TRHDE: variants seen among roughly 807,000 people sequenced by gnomAD.
TRHDE encodes the protein thyrotropin releasing hormone degrading enzyme.
A neutral mutation model predicts 125.7 loss-of-function variants in TRHDE; 72 were observed. That is an observed-to-expected ratio of 0.57 (90% confidence interval 0.47 to 0.70). The LOEUF is 0.70. Ranked by LOEUF, TRHDE falls within the 30% of genes least tolerant of loss-of-function variation. TRHDE has a pLI of 0.00. For missense variants in TRHDE, 1,110 were observed against 1,327.1 expected, an observed-to-expected ratio of 0.84 and a Z score of 2.54; for synonymous variants, 509 against 509.1, an observed-to-expected ratio of 1.00 and a Z score of 0.00.
chr12:72,382,037 G>A (rs577365212), intron 3 of TRHDE, among the ~76,000 whole-genome samples: 1 of 152,272 alleles, frequency 6.6e-6, no homozygotes, highest in African/African-American at 2.4e-5. Flanking sequence ...AACAAAACAG[G>A]AGCAAGGGGG....
intron 3 of TRHDE, among the ~76,000 whole-genome samples, chr12:72,403,599 T>C (rs1484038032): frequency 1.3e-5 from 2 of 152,208 alleles, no homozygotes; most frequent in Admixed American, 6.5e-5. Flanking sequence ...ATATTTATAC[T>C]TGCCTTCAGG....
chr12:72,617,919 A>T (rs1325175960), intron 12 of TRHDE, among the ~76,000 whole-genome samples: 3 of 152,164 alleles, frequency 2.0e-5, no homozygotes, highest in Non-Finnish European at 4.4e-5. Context: ...ATAGAGTCAC[A>T]ATGGATATTA....
chr12:72,525,153 C>T lies in TRHDE; in HGVS notation c.1723-17138C>T, dbSNP rs73346593. ...AAGCTATAGATGTTTACACAAATTA[C>T]CCTGTGAACAAAAGTGTACTCTTAT... On this transcript the variant is annotated intron_variant, in intron 6 of 18. Transcript: ENST00000261180. Among the ~76,000 whole-genome samples the T allele has an allele frequency of 4.8e-3, 728 of 152,188 alleles. 10 individuals are homozygous for T. Among genetic ancestry groups the T allele is most frequent in the African/African-American group, 0.017 (687 of 41,524 alleles).
At chr12:72,628,668 T>C (rs1873358985) in intron 15 of TRHDE, among the ~76,000 whole-genome samples, 1 of 151,862 alleles carries the variant, frequency 6.6e-6, no homozygotes, top group Admixed American at 6.6e-5. Context: ...AAAAGCTATA[T>C]AGAAGAAAAA....
chr12:72,249,260 C>T (rs1592499481), intron 2 of TRHDE, among the ~76,000 whole-genome samples: 1 of 152,026 alleles, frequency 6.6e-6, no homozygotes, highest in South Asian at 2.1e-4. Context: ...AAAAGTAAGC[C>T]ATGAATTGGG....
chr12:72,566,750 G>A (rs1870467769), intron 9 of TRHDE, among the ~76,000 whole-genome samples: 1 of 151,788 alleles, frequency 6.6e-6, no homozygotes, highest in Non-Finnish European at 1.5e-5. Context: ...TACTTATTTG[G>A]CTTCACAATT....
intron 2 of TRHDE, among the ~76,000 whole-genome samples, chr12:72,313,958 G>A (rs886112240): frequency 6.6e-5 from 10 of 152,110 alleles, no homozygotes; most frequent in African/African-American, 1.7e-4. Flanking sequence ...TGCAGCGTCC[G>A]TTTGCTTTGC....
intron 3 of TRHDE, among the ~76,000 whole-genome samples, chr12:72,459,818 ATG>A (rs1475672237): frequency 4.6e-5 from 7 of 152,052 alleles, no homozygotes; most frequent in Non-Finnish European, 1.0e-4. Flanking sequence ...ATGTCTGACT[ATG>A]TTGCCCAGAC....
intron 9 of TRHDE, 121 bp from the exon 10 acceptor site, chr12:72,568,447 T>G: frequency 4.7e-6 from 2 of 429,044 alleles, no homozygotes; most frequent in Non-Finnish European, 8.0e-6. Flanking sequence ...ACCGGAATTA[T>G]TTTTTTTTAG....
chr12:72,489,405 A>T (rs1243044106), intron 5 of TRHDE, among the ~76,000 whole-genome samples: 1 of 151,950 alleles, frequency 6.6e-6, no homozygotes. Flanking sequence ...AATATGTTAA[A>T]ATGTCTATAT....
rs185452155 is a variant in TRHDE, at chr12:72,448,288, C to T, written c.1316-21470C>T. Among the ~76,000 whole-genome samples, 146 of 152,118 alleles carry T rather than the reference C, an allele frequency of 9.6e-4. 1 individual carries two copies. Among genetic ancestry groups the T allele is most frequent in the Admixed American group, 4.4e-3 (67 of 15,244 alleles). On this transcript the variant is annotated intron_variant, in intron 3 of 18. Coordinates refer to ENST00000261180, the MANE Select transcript of TRHDE (RefSeq NM_013381.3). ...GACTGTTTTCTGGTTGATGGTATTA[C>T]AGTGCCTTGCGTAAGAGGTGGCTTT...
Position 72,637,180 on chromosome 12 carries a change from A to C in TRHDE, c.2676-15142A>C, listed in dbSNP as rs1007265281. 2.7e-3 allele frequency among the ~76,000 whole-genome samples: 405 copies of C among 152,092 alleles called. 5 individuals carry two copies. Among genetic ancestry groups the C allele is most frequent in the Middle Eastern group, 0.017 (5 of 294 alleles). ...CTATTGATTATTGCCACAATTTCAG[A>C]TCCTGTTATTGGTCTATTCAGAGAT... On this transcript the variant is annotated intron_variant, in intron 15 of 18. Coordinates refer to ENST00000261180, the MANE Select transcript of TRHDE (RefSeq NM_013381.3).
At position 72,139,171 on chromosome 12, in the gene TRHDE, A is replaced by G. The variant is rs146567129; in HGVS notation, n.279+33419A>G. Reference sequence around the variant, plus strand: ...TTTTAAAGGAACATTTAAAATTACTATAACTAGCAGAATTGAGTGTAAAGG... The same window carrying G: ...TTTTAAAGGAACATTTAAAATTACTGTAACTAGCAGAATTGAGTGTAAAGG... On this transcript the variant is annotated intron_variant and non_coding_transcript_variant, in intron 2 of 4. Transcript: ENST00000548156. 2.4e-3 allele frequency among the ~76,000 whole-genome samples: 368 copies of G among 152,340 alleles called. 2 individuals carry two copies. Among genetic ancestry groups the G allele is most frequent in the Non-Finnish European group, 4.0e-3 (271 of 68,028 alleles).
intron 3 of TRHDE, among the ~76,000 whole-genome samples, chr12:72,466,921 C>A (rs1321130427): frequency 6.6e-6 from 1 of 152,168 alleles, no homozygotes; most frequent in Non-Finnish European, 1.5e-5. Flanking sequence ...TGACGTCCTG[C>A]ACACGCTCAC....
At chr12:72,358,961 C>G (rs985867236) in intron 2 of TRHDE, among the ~76,000 whole-genome samples, 2 of 151,202 alleles carry the variant, frequency 1.3e-5, no homozygotes, top group Admixed American at 1.3e-4. Context: ...AACCACTGCC[C>G]CCTCCACAAA....
intron 6 of TRHDE, among the ~76,000 whole-genome samples, chr12:72,528,450 C>T (rs868324100): frequency 1.3e-5 from 2 of 152,166 alleles, no homozygotes; most frequent in Non-Finnish European, 2.9e-5. Flanking sequence ...GCCTGTTACT[C>T]ACAAGTTCTG....
In TRHDE at chr12:72,238,352, T is replaced by C. The variant is rs1270771513; in HGVS notation, n.279+132600T>C. On this transcript the variant is annotated intron_variant and non_coding_transcript_variant, in intron 2 of 4. Coordinates refer to the TRHDE transcript ENST00000548156. The stretch of plus-strand genomic sequence containing the variant: ...TATATATACACATTATATATATATA[T>C]ATATATATATACACATACATATATA... Among the ~76,000 whole-genome samples, 4 of 78,524 alleles carry C rather than the reference T, an allele frequency of 5.1e-5. No individual in the cohort carries two copies. The South Asian group carries it at 1.1e-3, about 22-fold the overall frequency. The allele number at this position is 78,524 out of a possible 152,430, so 51.5% of individuals were successfully genotyped here.
intron 3 of TRHDE, among the ~76,000 whole-genome samples, chr12:72,418,568 A>G (rs562738725): frequency 6.6e-6 from 1 of 151,836 alleles, no homozygotes; most frequent in South Asian, 2.1e-4. Context: ...ATCTTTTAAG[A>G]GGAAATCAGA....
At chr12:72,120,798 C>G (rs920377243) in intron 2 of TRHDE, among the ~76,000 whole-genome samples, 2 of 151,630 alleles carry the variant, frequency 1.3e-5, no homozygotes, top group African/African-American at 4.9e-5. Context: ...CCTGCCTCAG[C>G]CTCCTGAGTA....
Sources: gnomAD v4.1 joint callset for allele counts (sites outside exome capture counted in the v4.1 genomes callset) on GRCh38, gnomAD v4.1.1 for gene constraint, MANE v1.5 for transcripts, NCBI Gene and HGNC (gene_info 2026-07-23, HGNC 2026-07-21) for gene names.